FER: variants seen among roughly 807,000 people sequenced by gnomAD.
FER encodes FER tyrosine kinase.
A neutral mutation model predicts 111.0 loss-of-function variants in FER; 63 were observed. The ratio of observed to expected loss-of-function variants is 0.57; its 90% CI spans 0.46 to 0.70. The LOEUF is 0.70. FER is among the 30% of genes least tolerant of loss of function. The pLI is 0.00. For missense variants in FER, 914 were observed against 954.0 expected (o/e 0.96, Z 0.55); for synonymous variants, 327 against 313.9 (o/e 1.04, Z -0.44).
intron 17 of FER, among the ~76,000 whole-genome samples, chr5:109,174,345 C>T (rs1757461357): frequency 6.6e-6 from 1 of 152,170 alleles, no homozygotes; most frequent in Non-Finnish European, 1.5e-5. Flanking sequence ...GCAGAAGAAG[C>T]TGGCTAGCCA....
At chr5:108,963,470 G>T (rs1759407288) in intron 13 of FER, among the ~76,000 whole-genome samples, 1 of 152,126 alleles carries the variant, frequency 6.6e-6, no homozygotes, top group African/African-American at 2.4e-5. Flanking sequence ...GCTGAGGCAG[G>T]AGAATCACTT....
chr5:108,837,290 C>T (rs1580795952), intron 5 of FER, among the ~76,000 whole-genome samples: 1 of 152,104 alleles, frequency 6.6e-6, no homozygotes, highest in Non-Finnish European at 1.5e-5. Flanking sequence ...CAATATTTGC[C>T]AGGCATTCAA....
chr5:109,159,698 G>C, intron 17 of FER, among the ~76,000 whole-genome samples: 1 of 152,236 alleles, frequency 6.6e-6, no homozygotes, highest in East Asian at 1.9e-4. Flanking sequence ...GCTGAGATAG[G>C]TGCCAAAAGG....
intron 3 of FER, among the ~76,000 whole-genome samples, chr5:108,811,301 C>T (rs1174943114): frequency 2.0e-5 from 3 of 152,022 alleles, no homozygotes; most frequent in Non-Finnish European, 4.4e-5. Flanking sequence ...GGAGTGGGCC[C>T]CAAAATACCA....
chr5:108,938,795 C>T (rs1245259658), intron 10 of FER, among the ~76,000 whole-genome samples: 1 of 151,884 alleles, frequency 6.6e-6, no homozygotes, highest in African/African-American at 2.4e-5. Context: ...AAGAGGGGAG[C>T]TTGAATTTAG....
intron 18 of FER, among the ~76,000 whole-genome samples, chr5:109,184,044 A>G (rs1758585449): frequency 1.3e-5 from 2 of 152,320 alleles, no homozygotes; most frequent in Admixed American, 6.5e-5. Flanking sequence ...TGTTTGGCAT[A>G]TATTGCTACC....
intron 9 of FER, among the ~76,000 whole-genome samples, chr5:108,892,236 G>A (rs1043323939): frequency 3.7e-4 from 56 of 152,250 alleles, no homozygotes; most frequent in Admixed American, 6.5e-4. Flanking sequence ...CTGAGGAATC[G>A]CCACACTGAC....
chr5:109,007,732 G>A (rs1003367451), intron 13 of FER, among the ~76,000 whole-genome samples: 4 of 152,046 alleles, frequency 2.6e-5, no homozygotes, highest in African/African-American at 4.8e-5. Flanking sequence ...CATTTAAAGC[G>A]TTTTATGTCA....
rs182187669 is a variant in FER, at chr5:108,752,041, A to G, written c.-206+4041A>G. Among the ~76,000 whole-genome samples the G allele has an allele frequency of 4.7e-3, 709 of 152,176 alleles. 19 individuals are homozygous for G. The highest frequency in any genetic ancestry group is 0.044 in the Admixed American group (671 of 15,296). Reference sequence around the variant, plus strand: ...TTATAGATCTCTGGATTGCTTTATTACTATTTTTCCAAATTTCATTTGTCT... The same window carrying G: ...TTATAGATCTCTGGATTGCTTTATTGCTATTTTTCCAAATTTCATTTGTCT... On this transcript the variant is annotated intron_variant, in intron 1 of 19. Transcript: ENST00000281092.
At chr5:109,186,368 G>T (rs1046802697) in intron 19 of FER, 46 bp downstream of exon 19, 7 of 1,613,640 alleles carry the variant, frequency 4.3e-6, no homozygotes, top group East Asian at 2.2e-5. Context: ...CAGCCCCAGG[G>T]GTAGGCAGTG....
intron 2 of FER, 46 bp from the exon 3 acceptor site, chr5:108,798,069 TGAAGACTAA>T: frequency 2.9e-6 from 2 of 689,560 alleles, no homozygotes; most frequent in Middle Eastern, 3.1e-4. Context: ...TTTTTTTTTT[TGAAGACTAA>T]TTTCCTTTTT....
At chr5:108,892,417 T>C (rs1217520159) in intron 9 of FER, among the ~76,000 whole-genome samples, 6 of 152,344 alleles carry the variant, frequency 3.9e-5, no homozygotes, top group Non-Finnish European at 8.8e-5. Flanking sequence ...TGATGGCCAG[T>C]GATGATGAGC....
chr5:108,805,952 A>G lies in FER; in HGVS notation c.207+7563A>G, dbSNP rs186837311. ...ATAAGTAACAAGGAATTGAATGTTA[A>G]TCACCAAGACAATGGCAAAAATGTC... On this transcript the variant is annotated intron_variant, in intron 3 of 19. Transcript: ENST00000281092. 2.1e-3 allele frequency among the ~76,000 whole-genome samples: 315 copies of G among 152,310 alleles called. 3 individuals carry two copies. Among genetic ancestry groups the G allele is most frequent in the African/African-American group, 7.0e-3 (292 of 41,568 alleles).
Position 109,195,674 on chromosome 5 carries a change from T to A in FER, c.*8099T>A, listed in dbSNP as rs2126919991. 1 of 152,280 alleles carries A rather than the reference T, an allele frequency of 6.6e-6. No individual in the cohort carries two copies. Among genetic ancestry groups the A allele is most frequent in the East Asian group, 1.9e-4 (1 of 5,182 alleles). 9.4% of individuals were successfully genotyped at this position (152,280 alleles called of 1,614,324 possible). ...GAGCATTTCACTTTACTATACAAAA[T>A]GTCAGCTACCCAGTTGCATCCTGTG... On this transcript the variant is annotated 3_prime_UTR_variant, in exon 20 of 20. Coordinates refer to ENST00000281092, the MANE Select transcript of FER (RefSeq NM_005246.4).
intron 5 of FER, among the ~76,000 whole-genome samples, chr5:108,850,945 A>G (rs745567247): frequency 6.6e-6 from 1 of 152,206 alleles, no homozygotes; most frequent in Non-Finnish European, 1.5e-5. Context: ...TATGAAGAAC[A>G]TGAATTAAAT....
Position 108,777,665 on chromosome 5 carries a change from A to T in FER, c.-60+9427A>T, listed in dbSNP as rs1580468781. On this transcript the variant is annotated intron_variant, in intron 2 of 19. Coordinates refer to ENST00000281092, the MANE Select transcript of FER (RefSeq NM_005246.4). ...GTCCATTTTCACACTGCTGATAAAG[A>T]CATACCTGAGACTGGGAATTTTACA... Among the ~76,000 whole-genome samples the T allele has an allele frequency of 3.3e-5, 5 of 152,324 alleles. 1 individual carries two copies. Among genetic ancestry groups the T allele is most frequent in the Admixed American group, 3.3e-4 (5 of 15,298 alleles).
At chr5:109,032,327 C>G (rs1404126241) in intron 13 of FER, among the ~76,000 whole-genome samples, 2 of 152,162 alleles carry the variant, frequency 1.3e-5, no homozygotes, top group African/African-American at 2.4e-5. Flanking sequence ...TATTCTTGCC[C>G]AACTCCTACC....
At chr5:108,832,700 G>T (rs1760167860) in intron 3 of FER, 70 bp from the exon 4 acceptor site, 2 of 1,124,820 alleles carry the variant, frequency 1.8e-6, no homozygotes, top group South Asian at 3.3e-5. Flanking sequence ...TTAAAGTTTT[G>T]AACTCTTAAA....
intron 17 of FER, among the ~76,000 whole-genome samples, chr5:109,179,550 T>G (rs1758057544): frequency 6.6e-6 from 1 of 152,190 alleles, no homozygotes; most frequent in African/African-American, 2.4e-5. Flanking sequence ...CTCCACTTGG[T>G]TATTTGTTAT....
Sources: gnomAD v4.1 joint callset for allele counts (sites outside exome capture counted in the v4.1 genomes callset) on GRCh38, gnomAD v4.1.1 for gene constraint, MANE v1.5 for transcripts, NCBI Gene and HGNC (gene_info 2026-07-23, HGNC 2026-07-21) for gene names.